Variants in LAMC2 observed in about 807,000 individuals in gnomAD.
LAMC2 encodes the protein laminin subunit gamma 2.
LAMC2 carries 97 observed loss-of-function variants against 140.2 expected under a neutral mutation model. The observed-to-expected ratio is 0.69, with a 90% CI of 0.59 to 0.82. The LOEUF (loss-of-function observed/expected upper bound fraction) is 0.82, where lower values mean the gene tolerates loss of function less well. LAMC2 is among the 40% of genes least tolerant of loss of function. The pLI is 0.00. For synonymous variants in LAMC2, 513 were observed against 540.2 expected (o/e 0.95, Z 0.70); for missense variants, 1,402 against 1,476.1 (o/e 0.95, Z 0.82).
intron 1 of LAMC2, among the ~76,000 whole-genome samples, chr1:183,201,325 C>T (rs1008477593): frequency 6.6e-6 from 1 of 152,132 alleles, no homozygotes; most frequent in Non-Finnish European, 1.5e-5. Flanking sequence ...CGATGATGTG[C>T]AATATCTTAA....
Position 183,228,448 on chromosome 1 carries a change from C to G in LAMC2, c.1543C>G (p.Gln515Glu). The change falls in exon 11 of 23, where the codon CAG becomes GAG. Residue 515 changes from glutamine to glutamate, a missense_variant. By Grantham distance (29) the Gln-to-Glu change is conservative (BLOSUM62 2). Around this residue, in one of 3 missense-constraint regions of LAMC2, gnomAD observed 723 missense variants for 783.3 expected, o/e 0.92. Transcript: ENST00000264144. This position sits in a 1 kb window ranked among gnomAD's most constrained non-coding sequence, Gnocchi z 4.3. Reference sequence around the variant, plus strand: ...TGAACATGGCCCAGTGAGGCCTTGTCAGCCCTGTCAATGCAACAACAATGT... The same window carrying G: ...TGAACATGGCCCAGTGAGGCCTTGTGAGCCCTGTCAATGCAACAACAATGT... ...FGEHGPVRPC[Q>E]PCQCNNNVDP... 1 of 1,613,992 alleles carries G rather than the reference C, an allele frequency of 6.2e-7. No individual in the cohort carries two copies.
At chr1:183,206,450 C>T (rs1475892498) in intron 1 of LAMC2, among the ~76,000 whole-genome samples, 2 of 152,090 alleles carry the variant, frequency 1.3e-5, no homozygotes, top group Non-Finnish European at 2.9e-5. Context: ...TTGAGACCAG[C>T]CTAGCCAACA....
At chr1:183,190,130 G>A (rs76854645) in intron 1 of LAMC2, among the ~76,000 whole-genome samples, 1 of 152,124 alleles carries the variant, frequency 6.6e-6, no homozygotes, top group South Asian at 2.1e-4. Flanking sequence ...TGGGACTTGG[G>A]CAAGCTACCT....
At chr1:183,200,354 C>T (rs543088803) in intron 1 of LAMC2, among the ~76,000 whole-genome samples, 1 of 151,608 alleles carries the variant, frequency 6.6e-6, no homozygotes, top group Non-Finnish European at 1.5e-5. Flanking sequence ...CGCGCCACTG[C>T]ACTCCAGCCT....
the LAMC2 span, among the ~76,000 whole-genome samples, chr1:183,255,659 AG>A: frequency 7.7e-6 from 1 of 130,654 alleles, no homozygotes; most frequent in Non-Finnish European, 1.6e-5. Flanking sequence ...TTTATTCCTA[AG>A]GGTTTTTTTT....
chr1:183,221,426 C>T (rs1419048697), intron 5 of LAMC2, among the ~76,000 whole-genome samples: 1 of 152,062 alleles, frequency 6.6e-6, no homozygotes, highest in Non-Finnish European at 1.5e-5. Context: ...TCTGAGTTTC[C>T]CTTTGAAAAG....
chr1:183,202,217 C>A (rs1168180744), intron 1 of LAMC2, among the ~76,000 whole-genome samples: 1 of 146,200 alleles, frequency 6.8e-6, no homozygotes, highest in Non-Finnish European at 1.5e-5. Context: ...GCAACAACAA[C>A]AACAACAAAA....
downstream of LAMC2, among the ~76,000 whole-genome samples, chr1:183,245,474 C>T (rs1208542311): frequency 6.6e-6 from 1 of 152,162 alleles, no homozygotes; most frequent in African/African-American, 2.4e-5. Flanking sequence ...TTCAGAGGCC[C>T]TGCCATTTAC....
At chr1:183,238,509 T>C in intron 19 of LAMC2, 88 bp downstream of exon 19, 1 of 845,672 alleles carries the variant, frequency 1.2e-6, no homozygotes, top group Non-Finnish European at 2.1e-6. Context: ...TCTCTCTAAG[T>C]GGCAGGTATA....
chr1:183,211,388 G>C (rs1659064790), intron 2 of LAMC2, among the ~76,000 whole-genome samples: 1 of 152,160 alleles, frequency 6.6e-6, no homozygotes, highest in Non-Finnish European at 1.5e-5. Flanking sequence ...GTATTATTCA[G>C]ACTATAACAT....
intron 18 of LAMC2, 76 bp from the exon 19 acceptor site, chr1:183,238,231 G>C: frequency 9.6e-7 from 1 of 1,039,890 alleles, no homozygotes; most frequent in Non-Finnish European, 1.5e-6. Flanking sequence ...CTGCTGTCAT[G>C]AAGAGAAATG....
chr1:183,253,809 C>T, the LAMC2 span, among the ~76,000 whole-genome samples: 1 of 152,046 alleles, frequency 6.6e-6, no homozygotes, highest in Non-Finnish European at 1.5e-5. Context: ...ATTTCTGTGT[C>T]TGGCTTATGT....
intron 17 of LAMC2, among the ~76,000 whole-genome samples, chr1:183,237,023 TAAG>T (rs926223266): frequency 3.9e-5 from 6 of 152,154 alleles, no homozygotes; most frequent in African/African-American, 1.2e-4. Context: ...CTTATTCGAT[TAAG>T]AAGATTTTGT....
chr1:183,214,939 C>T (rs903461760), intron 2 of LAMC2, among the ~76,000 whole-genome samples: 7 of 152,102 alleles, frequency 4.6e-5, no homozygotes, highest in Non-Finnish European at 7.4e-5. Context: ...CACTTGGGGG[C>T]GTACCACAGG....
intron 9 of LAMC2, 29 bp downstream of exon 9, chr1:183,226,945 G>A: frequency 6.4e-7 from 1 of 1,564,430 alleles, no homozygotes; most frequent in East Asian, 2.2e-5. Context: ...GGACCAGGTG[G>A]CTGGGGTGTC....
At position 183,237,441 on chromosome 1, in the gene LAMC2, G is replaced by T. The variant is rs770344310; in HGVS notation, c.2691G>T (p.Lys897Asn). Residue 897 changes from lysine to asparagine, a missense_variant, in exon 18 of 23, where the codon AAG becomes AAT. This residue lies in a region of LAMC2 where 670 missense variants were observed against 667.2 expected (regional missense o/e 1.00). Transcript: ENST00000264144. ...RHMDEFKRTQ[K>N]NLGNWKEEAQ... ...TGGATGAGTTCAAGCGTACACAGAA[G>T]AATCTGGGAAACTGGAAAGAAGAAG... The T allele has an allele frequency of 6.2e-7, 1 of 1,614,160 alleles. No individual in the cohort carries two copies. Among genetic ancestry groups the T allele is most frequent in the Admixed American group, 1.7e-5 (1 of 60,018 alleles).
At chr1:183,208,643 G>A (rs1658975730) in intron 2 of LAMC2, among the ~76,000 whole-genome samples, 1 of 152,114 alleles carries the variant, frequency 6.6e-6, no homozygotes, top group Non-Finnish European at 1.5e-5. Flanking sequence ...ACACCTAATG[G>A]GGTGGCTGGT....
At chr1:183,234,507 A>C (rs1344862074) in intron 15 of LAMC2, 61 bp downstream of exon 15, 1 of 1,307,562 alleles carries the variant, frequency 7.6e-7, no homozygotes, top group African/African-American at 1.5e-5. Flanking sequence ...GACTTGAATA[A>C]GAGTGTAGGG....
At chr1:183,219,491 C>T (rs1269708823) in intron 4 of LAMC2, among the ~76,000 whole-genome samples, 1 of 152,154 alleles carries the variant, frequency 6.6e-6, no homozygotes, top group Middle Eastern at 3.2e-3. Flanking sequence ...TAGAAGTGAC[C>T]ACTATTCTGA....
Sources: allele counts gnomAD v4.1 joint callset (sites outside exome capture counted in the v4.1 genomes callset), GRCh38; gene constraint gnomAD v4.1.1; regional missense constraint gnomAD v4.1.1; non-coding constraint Gnocchi (gnomAD v3.1); transcripts MANE v1.5; gene names NCBI Gene and HGNC (gene_info 2026-07-23, HGNC 2026-07-21).